Variants in PKD1 observed in about 807,000 individuals in gnomAD.
PKD1 encodes polycystin-1.
PKD1 carries 81 observed loss-of-function variants against 361.7 expected under a neutral mutation model. The ratio of observed to expected loss-of-function variants is 0.22; its 90% confidence interval spans 0.19 to 0.27. The LOEUF is 0.27. PKD1 is among the 10% of genes least tolerant of loss of function. The pLI, the probability that PKD1 is intolerant of heterozygous loss-of-function variation, is 1.00. For synonymous variants in PKD1, 3,615 were observed against 2,818.3 expected (o/e 1.28, Z -8.95); for missense variants, 6,399 against 6,118.3 (o/e 1.05, Z -1.53).
rs533977374 is a variant in PKD1 at position 2,090,955 on chromosome 16, C to T, written c.11932G>A (p.Asp3978Asn). The change falls in exon 43 of 46, where the codon GAC (aspartate) becomes AAC (asparagine). Residue 3978 changes from aspartate (D) to asparagine (N), a missense_variant. Coordinates refer to ENST00000262304, the MANE Select transcript of PKD1 (RefSeq NM_001009944.3). Reference protein sequence around the residue: ...RGRPRRFTSFDQVAQLSSAAR... With the variant: ...RGRPRRFTSFNQVAQLSSAAR... ...GCGGAGCTCAGCTGCGCCACCTGGT[C>T]GAAGCTAGTGAAGCGGCGCGGGCGG... is the stretch of plus-strand genomic sequence containing the variant. 6 of 1,560,996 alleles carry T rather than the reference C, an allele frequency of 3.8e-6. No individual in the cohort carries two copies. Among genetic ancestry groups the T allele is most frequent in the South Asian group, 2.3e-5 (2 of 87,310 alleles).
chr16:2,134,650 C>T lies in PKD1; in HGVS notation c.215+825G>A, dbSNP rs1413455966. Among the ~76,000 whole-genome samples the T allele has an allele frequency of 3.3e-5, 5 of 151,610 alleles. No homozygotes were observed. In the South Asian group the frequency reaches 6.2e-4, roughly 19 times the overall value. On this transcript the variant is annotated intron_variant, in intron 1 of 45. Transcript: ENST00000262304. ...GGACAGGTCGTGTCACCTCTCCAAA[C>T]CTGTTTCCTCATCTGTGAAATGCAA... is the stretch of plus-strand genomic sequence containing the variant.
chr16:2,108,363 C>A lies in PKD1; in HGVS notation c.6804G>T (p.Trp2268Cys), dbSNP rs1343719755. 1.2e-6 allele frequency: 2 copies of A among 1,610,190 alleles called. No individual in the cohort carries two copies. The highest frequency in any genetic ancestry group is 1.7e-6 in the Non-Finnish European group (2 of 1,179,400). Residue 2268 changes from tryptophan (W) to cysteine (C), a missense_variant, in exon 15 of 46, where the codon TGG (tryptophan) becomes TGT (cysteine). Trp to Cys is a radical substitution (Grantham distance 215, BLOSUM62 -2). Coordinates refer to ENST00000262304, the MANE Select transcript of PKD1 (RefSeq NM_001009944.3). Reference protein sequence around the residue: ...PIIEGGSYRVWSDTRDLVLDG... With the variant: ...PIIEGGSYRVCSDTRDLVLDG... The stretch of plus-strand genomic sequence containing the variant: ...CCAGCACCAGGTCCCGTGTGTCTGA[C>A]CACACGCGGTATGAGCCACCCTCAA...
intron 13 of PKD1, 87 bp from the exon 14 acceptor site, chr16:2,112,560 C>T: frequency 7.8e-7 from 1 of 1,276,774 alleles, no homozygotes; most frequent in Non-Finnish European, 1.1e-6. Context: ...AGCCGAGGCT[C>T]CACTCTGCAG....
rs200907085 is a variant in PKD1 at position 2,105,432 on chromosome 16, G to A, written c.7906C>T (p.Arg2636Trp). Reference sequence around the variant, plus strand: ...TTGCGTATCTGGGCTCGGTGCTGCCGCTCGTGCTTGGGCTCTGCCGCCACG... The same window carrying A: ...TTGCGTATCTGGGCTCGGTGCTGCCACTCGTGCTTGGGCTCTGCCGCCACG... ...LDVAAEPKHE[R>W]QHRAQIRKNI... is the part of the protein sequence containing the mutation. The change falls in exon 21 of 46, where the codon CGG (arginine) becomes TGG (tryptophan). Residue 2636 changes from arginine (R) to tryptophan (W), a missense_variant. Transcript: ENST00000262304. 3.9e-5 allele frequency: 62 copies of A among 1,587,018 alleles called. No homozygotes were observed. The highest frequency in any genetic ancestry group is 5.5e-5 in the South Asian group (5 of 90,970).
chr16:2,127,744 G>C (rs2092817129), intron 1 of PKD1, among the ~76,000 whole-genome samples: 2 of 151,492 alleles, frequency 1.3e-5, no homozygotes, highest in Admixed American at 1.3e-4. Flanking sequence ...TGAGGAAACT[G>C]AGGCTGAGAG....
At position 2,089,078 on chromosome 16, in the gene PKD1, TGA is replaced by T. The variant is rs984714341; in HGVS notation, c.*647_*648del. 3.2e-4 allele frequency: 58 copies of T among 178,784 alleles called. No individual in the cohort carries two copies. The highest frequency in any genetic ancestry group is 1.3e-3 in the African/African-American group (56 of 42,154). 11.1% of individuals were successfully genotyped at this position (178,784 alleles called of 1,614,324 possible). A position where few individuals can be genotyped will look rare whatever the true frequency, so the allele number is the denominator to read the frequency against. ...GAGGATGACAAGGCCTCTGGGGTGA[TGA>T]GAGTGCCTGGCAGACAGCTGTGCCC... On this transcript the variant is annotated 3_prime_UTR_variant, in exon 46 of 46. Transcript: ENST00000262304.
chr16:2,091,479 G>A lies in PKD1; in HGVS notation c.11656C>T (p.Arg3886Cys). The change falls in exon 42 of 46, where the codon CGC becomes TGC. Residue 3886 changes from arginine to cysteine, a missense_variant. Arg to Cys is a radical substitution (Grantham distance 180). Transcript: ENST00000262304. Reference sequence around the variant, plus strand: ...CTGAGGCGGCGCAGCGCAAAGGGGCGGACGCTGAGGGCGGCCAGGGCGCGG... The same window carrying A: ...CTGAGGCGGCGCAGCGCAAAGGGGCAGACGCTGAGGGCGGCCAGGGCGCGG... ...AGRALAALSV[R>C]PFALRRLSAG... 1.5e-6 allele frequency: 2 copies of A among 1,368,780 alleles called. No individual in the cohort carries two copies. Among genetic ancestry groups the A allele is most frequent in the Non-Finnish European group, 9.4e-7 (1 of 1,067,234 alleles). The allele number at this position is 1,368,780 out of a possible 1,614,324, so 84.8% of individuals were successfully genotyped here. A position where few individuals can be genotyped will look rare whatever the true frequency, so the allele number is the denominator to read the frequency against.
At position 2,099,498 on chromosome 16, in the gene PKD1, G is replaced by T. The variant is rs2091997395; in HGVS notation, c.10050+146C>A. 4 of 718,470 alleles carry T rather than the reference G, an allele frequency of 5.6e-6. No homozygotes were observed. In the East Asian group the frequency reaches 8.1e-5, roughly 15 times the overall value. The allele number at this position is 718,470 out of a possible 1,614,324, so 44.5% of individuals were successfully genotyped here. On this transcript the variant is annotated intron_variant, in intron 30 of 45. Coordinates refer to ENST00000262304, the MANE Select transcript of PKD1 (RefSeq NM_001009944.3). The stretch of plus-strand genomic sequence containing the variant: ...TTTCTCCCTGGTCAGTCTAGCTAAG[G>T]CTGCTCAAGTGTGTTGACCCTTCCC...
chr16:2,092,186 G>C lies in PKD1; in HGVS notation c.11272C>G (p.Leu3758Val). ...CTGGGGCCGGGAGGGTCTGGGTAGA[G>C]TGCTGAAACACACAGAGCCCCAGGC... ...RLRQVRLQEALYPDPPGPRVH... is the reference protein window; with the variant it reads ...RLRQVRLQEAVYPDPPGPRVH... The change falls in exon 40 of 46, where the codon CTC (leucine) becomes GTC (valine). Residue 3758 changes from leucine (L) to valine (V), a missense_variant and splice_region_variant. By Grantham distance (32) the Leu-to-Val change is conservative (BLOSUM62 1). Transcript: ENST00000262304. 6.2e-7 allele frequency: 1 copy of C among 1,600,380 alleles called. No individual in the cohort carries two copies. The highest frequency in any genetic ancestry group is 8.5e-7 in the Non-Finnish European group (1 of 1,174,754).
chr16:2,108,306 C>T lies in PKD1; in HGVS notation c.6861G>A (p.Glu2287=). ...AACTGAGCGGCGTCTGGTCGCCGTC[C>T]TCCAGGTTGGGGTCGTAGGACTCGC... The part of the protein sequence containing the change: ...DGSESYDPNL[E]DGDQTPLSFH... Residue 2287 remains glutamate (E), a synonymous_variant, in exon 15 of 46, where the codon GAG becomes GAA. Coordinates refer to ENST00000262304, the MANE Select transcript of PKD1 (RefSeq NM_001009944.3). The T allele has an allele frequency of 3.7e-6, 6 of 1,602,594 alleles. No homozygotes were observed. Among genetic ancestry groups the T allele is most frequent in the Non-Finnish European group, 5.1e-6 (6 of 1,173,480 alleles).
In PKD1 at chr16:2,090,657, G is replaced by A. The variant is rs373432101; in HGVS notation, c.12138+17C>T. 1.3e-4 allele frequency: 209 copies of A among 1,611,098 alleles called. 1 individual carries two copies. The African/African-American group carries it at 2.6e-3, about 20-fold the overall frequency. Reference sequence around the variant, plus strand: ...GAGCTGAGCTAAGACGCCCTCCCCGGCCGCGCAGTCACCTACCAGGATGGC... The same window carrying A: ...GAGCTGAGCTAAGACGCCCTCCCCGACCGCGCAGTCACCTACCAGGATGGC... On this transcript the variant is annotated intron_variant, in intron 44 of 45. Coordinates refer to ENST00000262304, the MANE Select transcript of PKD1 (RefSeq NM_001009944.3).
Position 2,103,523 on chromosome 16 carries a change from G to A in PKD1, c.8534C>T (p.Ser2845Phe). 4 of 1,607,052 alleles carry A rather than the reference G, an allele frequency of 2.5e-6. No homozygotes were observed. The highest frequency in any genetic ancestry group is 2.5e-6 in the Non-Finnish European group (3 of 1,179,718). Residue 2845 changes from serine (S) to phenylalanine (F), a missense_variant, in exon 23 of 46, where the codon TCC becomes TTC. By Grantham distance (155) the Ser-to-Phe change is radical. Transcript: ENST00000262304. ...GAATGCCATCGAGGCCACCTTGGTG[G>A]AGACGGTGTAGTTGCTGATATAGCC... is the stretch of plus-strand genomic sequence containing the variant. ...PFGYISNYTV[S>F]TKVASMAFQT...
At chr16:2,120,974 G>A (rs151234870) in intron 1 of PKD1, among the ~76,000 whole-genome samples, 1,948 of 146,916 alleles carry the variant, frequency 0.013, 24 homozygotes, top group Non-Finnish European at 0.022. Flanking sequence ...CCAAGATCAC[G>A]CCACTGCAAT....
intron 35 of PKD1, 25 bp from the exon 36 acceptor site, chr16:2,094,038 G>C: frequency 6.3e-7 from 1 of 1,592,288 alleles, no homozygotes. Context: ...ACAGACCTGT[G>C]AGAGGCAGCT....
In PKD1 at chr16:2,114,809, G is replaced by A. The variant is rs543166733; in HGVS notation, c.2214C>T (p.Pro738=). The A allele has an allele frequency of 2.0e-6, 2 of 979,222 alleles. No individual in the cohort carries two copies. The highest frequency in any genetic ancestry group is 1.5e-6 in the Non-Finnish European group (1 of 649,084). 60.7% of individuals were successfully genotyped at this position (979,222 alleles called of 1,614,324 possible). A position where few individuals can be genotyped will look rare whatever the true frequency, so the allele number is the denominator to read the frequency against. The change falls in exon 11 of 46, where the codon CCC becomes CCT. Residue 738 remains proline (P), a synonymous_variant. Transcript: ENST00000262304. ...CGTTGGCGGAGAGGTACGGGGCCCG[G>A]GGACCAGGGTGGCCGGGAGCCGGCG... ...HCSPAPGHPG[P]RAPYLSANAS... is the part of the protein sequence containing the mutation.
chr16:2,093,190 C>A, intron 37 of PKD1, 97 bp from the exon 38 acceptor site: 1 of 1,471,726 alleles, frequency 6.8e-7, no homozygotes, highest in Non-Finnish European at 9.4e-7. Context: ...GCAGGTGTGG[C>A]TGCAGGAAGG....
Position 2,118,576 on chromosome 16 carries a change from C to G in PKD1, c.529+100G>C, listed in dbSNP as rs1355905739. On this transcript the variant is annotated intron_variant, in intron 4 of 45. Transcript: ENST00000262304. The surrounding 1 kb of genome is among the most constrained non-coding windows in gnomAD (Gnocchi z 6.0). ...CATGCTGTTCCCTTGGCCCGGAGGC[C>G]CCCCCCAGAGAGGCCTTCCTGAGCC... The G allele has an allele frequency of 2.3e-6, 2 of 887,996 alleles. No homozygotes were observed. Among genetic ancestry groups the G allele is most frequent in the Non-Finnish European group, 3.6e-6 (2 of 557,886 alleles). The allele number at this position is 887,996 out of a possible 1,614,324, so 55.0% of individuals were successfully genotyped here.
In PKD1 at chr16:2,090,661, C is replaced by T. The variant is rs1366237127; in HGVS notation, c.12138+13G>A. ...TGAGCTAAGACGCCCTCCCCGGCCG[C>T]GCAGTCACCTACCAGGATGGCCAGC... On this transcript the variant is annotated intron_variant, in intron 44 of 45. Transcript: ENST00000262304. The T allele has an allele frequency of 2.5e-6, 4 of 1,611,502 alleles. No homozygotes were observed. Among genetic ancestry groups the T allele is most frequent in the African/African-American group, 1.3e-5 (1 of 74,922 alleles).
At chr16:2,104,901 A>AAGGGG (rs1277806215) in intron 21 of PKD1, among the ~76,000 whole-genome samples, 1 of 6,612 alleles carries the variant, frequency 1.5e-4, no homozygotes, top group Non-Finnish European at 2.9e-4. Flanking sequence ...GAGGGGAGAG[A>AAGGGG]GGAGAGGGGA....
Sources: allele counts gnomAD v4.1 joint callset (sites outside exome capture counted in the v4.1 genomes callset), GRCh38; gene constraint gnomAD v4.1.1; non-coding constraint Gnocchi (gnomAD v3.1); transcripts MANE v1.5; gene names NCBI Gene and HGNC (gene_info 2026-07-23, HGNC 2026-07-21).